The following DMBT1 variants were observed in gnomAD, a reference collection of about 807,000 sequenced individuals.
DMBT1 encodes deleted in malignant brain tumors 1.
Under a neutral mutation model 252.9 loss-of-function variants are expected in DMBT1, and 198 were observed. That is an observed-to-expected ratio of 0.78 (90% CI 0.70 to 0.88). The LOEUF (loss-of-function observed/expected upper bound fraction) is 0.88, where lower values mean the gene tolerates loss of function less well. Ranked by LOEUF, DMBT1 falls within the 40% of genes least tolerant of loss-of-function variation. The pLI is 0.00. For synonymous variants in DMBT1, 990 were observed against 942.7 expected (o/e 1.05, Z -0.92); for missense variants, 2,432 against 2,404.7 (o/e 1.01, Z -0.24).
intron 41 of DMBT1, among the ~76,000 whole-genome samples, chr10:122,618,906 G>C (rs113684405): frequency 0.016 from 2,389 of 152,338 alleles, 78 homozygotes; most frequent in South Asian, 0.14. Context: ...GGTCTGGTGT[G>C]GGGAGGGCAG....
chr10:122,577,707 A>G (rs2097725225), intron 7 of DMBT1, 104 bp from the exon 8 acceptor site: 5 of 1,344,198 alleles, frequency 3.7e-6, no homozygotes, highest in Non-Finnish European at 3.1e-6. Flanking sequence ...TGGGCGTGTG[A>G]TGGGCATCAG....
intron 44 of DMBT1, among the ~76,000 whole-genome samples, chr10:122,621,675 A>G (rs371575554): frequency 6.6e-6 from 1 of 152,138 alleles, no homozygotes; most frequent in African/African-American, 2.4e-5. Flanking sequence ...TTTCTCCCCT[A>G]CTGAGTAGCA....
chr10:122,588,776 C>T (rs2097819604), intron 16 of DMBT1, among the ~76,000 whole-genome samples, 168 bp from the exon 17 acceptor site: 1 of 148,908 alleles, frequency 6.7e-6, no homozygotes, highest in South Asian at 2.3e-4. Context: ...TAGTGTATCA[C>T]CTCTCCTTCT....
intron 52 of DMBT1, among the ~76,000 whole-genome samples, chr10:122,633,613 CT>C (rs761222185): frequency 2.0e-5 from 3 of 152,210 alleles, no homozygotes; most frequent in Non-Finnish European, 4.4e-5. Context: ...CACCAATTTG[CT>C]GTGTGACCAC....
rs1844899156 is a variant in DMBT1 at position 122,643,277 on chromosome 10, G to A, written c.7508G>A (p.Cys2503Tyr). The change falls in exon 56 of 56, where the codon TGC (cysteine) becomes TAC (tyrosine). Residue 2503 changes from cysteine (C) to tyrosine (Y), a missense_variant. Coordinates refer to ENST00000338354, the MANE Select transcript of DMBT1 (RefSeq NM_001377530.1). ...AGAGCGTATGACCCCTCTTCCCGCT[G>A]CTACCGAGGCTGTGTGTTGAGGTCG... ...VCRAYDPSSR[C>Y]YRGCVLRSKR... The A allele has an allele frequency of 6.2e-7, 1 of 1,613,858 alleles. No individual in the cohort carries two copies. The highest frequency in any genetic ancestry group is 8.5e-7 in the Non-Finnish European group (1 of 1,179,906).
At chr10:122,564,339 C>T (rs2097572026) in intron 1 of DMBT1, among the ~76,000 whole-genome samples, 1 of 152,210 alleles carries the variant, frequency 6.6e-6, no homozygotes, top group Non-Finnish European at 1.5e-5. Flanking sequence ...CATGGTGACA[C>T]ATGCCTGTAG....
chr10:122,632,392 C>A (rs1387331598), intron 50 of DMBT1, among the ~76,000 whole-genome samples: 1 of 152,048 alleles, frequency 6.6e-6, no homozygotes, highest in Non-Finnish European at 1.5e-5. Context: ...CTGGTGATGA[C>A]CCCGCTCCTC....
chr10:122,574,528 C>T (rs2097694805), intron 6 of DMBT1, among the ~76,000 whole-genome samples: 1 of 152,176 alleles, frequency 6.6e-6, no homozygotes, highest in Non-Finnish European at 1.5e-5. Context: ...CCCTCTGGCC[C>T]ATGGGGTGAG....
chr10:122,618,560 G>A (rs886741082), intron 41 of DMBT1, among the ~76,000 whole-genome samples: 2 of 152,220 alleles, frequency 1.3e-5, no homozygotes, highest in African/African-American at 4.8e-5. Flanking sequence ...CAACAACCCA[G>A]ACTTTATCCC....
At position 122,597,972 on chromosome 10, in the gene DMBT1, A is replaced by C. The variant is rs199815929; in HGVS notation, c.2918-2A>C. On this transcript the variant is annotated splice_acceptor_variant, in intron 24 of 55. Transcript: ENST00000338354. LOFTEE classifies it high-confidence loss of function. ...TAGCCTTTGTCTCTGTTGCAATTAC[A>C]GACACATTGCCGACCATCACCTTGC... 1.5e-4 allele frequency: 248 copies of C among 1,613,930 alleles called. No individual in the cohort carries two copies. The highest frequency in any genetic ancestry group is 3.3e-4 in the Middle Eastern group (2 of 6,060).
intron 25 of DMBT1, 110 bp downstream of exon 25, chr10:122,598,122 C>A (rs937530821): frequency 4.0e-6 from 6 of 1,510,976 alleles, no homozygotes; most frequent in Non-Finnish European, 5.5e-6. Context: ...TTTTTCATGT[C>A]CCTGTGGGTT....
rs771191085 is a variant in DMBT1, at chr10:122,586,649, C to T, written c.1783+266C>T. Among the ~76,000 whole-genome samples, 9 of 148,302 alleles carry T rather than the reference C, an allele frequency of 6.1e-5. 2 individuals are homozygous for T. The East Asian group carries it at 6.3e-4, about 10-fold the overall frequency. ...CGCAAGCAGAGGGAGAAGACGAAAG[C>T]GCCGGGTCTTTGCCTTTTAGTGTGG... On this transcript the variant is annotated intron_variant, in intron 16 of 55. Transcript: ENST00000338354.
At chr10:122,632,657 C>G (rs1170564818) in intron 50 of DMBT1, among the ~76,000 whole-genome samples, 1 of 152,120 alleles carries the variant, frequency 6.6e-6, no homozygotes. Flanking sequence ...AGGCTTTGGT[C>G]AATCTCATCC....
At chr10:122,640,563 C>T in intron 55 of DMBT1, 114 bp downstream of exon 55, 2 of 1,144,612 alleles carry the variant, frequency 1.7e-6, no homozygotes. Context: ...CCAGTACTTC[C>T]AGCTTAACTG....
At chr10:122,631,384 G>C in intron 49 of DMBT1, 103 bp downstream of exon 49, 2 of 1,435,558 alleles carry the variant, frequency 1.4e-6, no homozygotes, top group South Asian at 2.6e-5. Flanking sequence ...GCAGGAGCTG[G>C]TCATTGTGTC....
intron 7 of DMBT1, among the ~76,000 whole-genome samples, chr10:122,576,964 G>T (rs930674635): frequency 1.3e-5 from 2 of 152,220 alleles, no homozygotes; most frequent in African/African-American, 4.8e-5. Flanking sequence ...AGTCTTTCCT[G>T]GTTATCTGGT....
chr10:122,584,398 T>A, intron 14 of DMBT1, 47 bp downstream of exon 14: 1 of 399,982 alleles, frequency 2.5e-6, no homozygotes, highest in Middle Eastern at 5.8e-4. Flanking sequence ...TCTTTCTGTA[T>A]AATTATCCCT....
chr10:122,578,604 A>G, intron 8 of DMBT1, 114 bp from the exon 9 acceptor site: 1 of 916,392 alleles, frequency 1.1e-6, no homozygotes, highest in Non-Finnish European at 1.7e-6. Flanking sequence ...GCAAGTGGCC[A>G]GACCTTCGAG....
In DMBT1 at chr10:122,576,579, C is replaced by A; in HGVS notation, c.464C>A (p.Ala155Asp). The A allele has an allele frequency of 1.9e-6, 3 of 1,613,884 alleles. No individual in the cohort carries two copies. The highest frequency in any genetic ancestry group is 2.5e-6 in the Non-Finnish European group (3 of 1,179,832). Residue 155 changes from alanine (A) to aspartate (D), a missense_variant, in exon 7 of 56, where the codon GCC becomes GAC. This residue lies in a region of DMBT1 where 1,264 missense variants were observed against 1,082.2 expected (regional missense o/e 1.17). Transcript: ENST00000338354. Reference sequence around the variant, plus strand: ...TGGGCCATGTCAGCTCCAGGAAATGCCTGGTTTGGCCAGGGCTCAGGACCC... The same window carrying A: ...TGGGCCATGTCAGCTCCAGGAAATGACTGGTTTGGCCAGGGCTCAGGACCC... Reference protein sequence around the residue: ...CGWAMSAPGNAWFGQGSGPIA... With the variant: ...CGWAMSAPGNDWFGQGSGPIA...
Sources: gnomAD v4.1 joint callset for allele counts (sites outside exome capture counted in the v4.1 genomes callset) on GRCh38, gnomAD v4.1.1 for gene constraint, gnomAD v4.1.1 regional missense constraint, MANE v1.5 for transcripts, NCBI Gene and HGNC (gene_info 2026-07-23, HGNC 2026-07-21) for gene names.